Variants in SHC4 observed in about 807,000 individuals in gnomAD.
The protein encoded by SHC4 is SHC adaptor protein 4.
SHC4 carries 41 observed loss-of-function variants against 69.4 expected under a neutral mutation model. That is an observed-to-expected ratio of 0.59 (90% CI 0.46 to 0.77). SHC4 has a LOEUF of 0.77. Among genes scored for constraint, SHC4 ranks in the 30% least tolerant of loss-of-function variants. SHC4 has a pLI of 0.00. For missense variants in SHC4, 777 were observed against 783.8 expected (o/e 0.99, Z 0.10); for synonymous variants, 318 against 299.3 (o/e 1.06, Z -0.64).
Position 48,897,087 on chromosome 15 carries a change from G to C in SHC4, c.657-6276C>G, listed in dbSNP as rs140616389. On this transcript the variant is annotated intron_variant, in intron 2 of 11. Coordinates refer to ENST00000332408, the MANE Select transcript of SHC4 (RefSeq NM_203349.4). ...CAGAACCTTTTTGGAGCTGAGTGGC[G>C]GTGAGACTTTCTCCAGCTAGCAAAC... Among the ~76,000 whole-genome samples, 7 of 152,278 alleles carry C rather than the reference G, an allele frequency of 4.6e-5. No individual in the cohort carries two copies. The East Asian group carries it at 1.4e-3, about 29-fold the overall frequency.
intron 2 of SHC4, among the ~76,000 whole-genome samples, chr15:48,900,097 T>C (rs534911426): frequency 6.6e-6 from 1 of 152,358 alleles, no homozygotes; most frequent in South Asian, 2.1e-4. Flanking sequence ...ATACGTTTGA[T>C]GATATTCCGT....
At position 48,962,472 on chromosome 15, in the gene SHC4, G is replaced by A. The variant is rs570329592; in HGVS notation, c.544C>T (p.Leu182=). The change falls in exon 1 of 12, where the codon CTA becomes TTA. Residue 182 remains leucine (L), a synonymous_variant. Coordinates refer to ENST00000332408, the MANE Select transcript of SHC4 (RefSeq NM_203349.4). ...ATGCCCATCCCCAACAGGTGCTGTA[G>A]AAAGTGCCTGTCCTGCCTGCTCCTA... The part of the protein sequence containing the change: ...TLRSRQDRHF[L]QHLLGMGMNY... 1.3e-6 allele frequency: 2 copies of A among 1,532,712 alleles called. No homozygotes were observed. The highest frequency in any genetic ancestry group is 1.3e-5 in the South Asian group (1 of 76,758). The allele number at this position is 1,532,712 out of a possible 1,614,324, so 94.9% of individuals were successfully genotyped here.
rs1898665017 is a variant in SHC4, at chr15:48,825,235, T to C, written c.*736A>G. The C allele has an allele frequency of 6.6e-6, 1 of 152,090 alleles. No homozygotes were observed. The highest frequency in any genetic ancestry group is 6.6e-5 in the Admixed American group (1 of 15,266). 9.4% of individuals were successfully genotyped at this position (152,090 alleles called of 1,614,324 possible). A position where few individuals can be genotyped will look rare whatever the true frequency, so the allele number is the denominator to read the frequency against. On this transcript the variant is annotated 3_prime_UTR_variant, in exon 12 of 12. Transcript: ENST00000332408. ...ATGAAATCAGAAATGACTGATAGAT[T>C]TGGCTTCTTCAGCTTGTCACATGCT...
At chr15:48,959,456 C>T (rs1274426588) in intron 1 of SHC4, among the ~76,000 whole-genome samples, 2 of 152,282 alleles carry the variant, frequency 1.3e-5, no homozygotes, top group African/African-American at 2.4e-5. Context: ...ATTCATAATA[C>T]ATATTTGTTA....
intron 1 of SHC4, among the ~76,000 whole-genome samples, chr15:48,961,233 C>G (rs1338113187): frequency 6.6e-6 from 1 of 152,220 alleles, no homozygotes; most frequent in Non-Finnish European, 1.5e-5. Flanking sequence ...TTAAAAATTA[C>G]TTTCAGCAAG....
At chr15:48,888,296 A>G (rs960420270) in intron 3 of SHC4, among the ~76,000 whole-genome samples, 2 of 152,212 alleles carry the variant, frequency 1.3e-5, no homozygotes, top group Admixed American at 1.3e-4. Flanking sequence ...AAGGAAGTAA[A>G]TTCTGACATC....
chr15:48,959,591 C>A (rs1447892678), intron 1 of SHC4, among the ~76,000 whole-genome samples: 1 of 152,148 alleles, frequency 6.6e-6, no homozygotes, highest in Non-Finnish European at 1.5e-5. Context: ...AATCCACCAG[C>A]CCTGTGTCAA....
intron 11 of SHC4, among the ~76,000 whole-genome samples, chr15:48,828,944 T>A (rs1469853750): frequency 6.6e-6 from 1 of 152,206 alleles, no homozygotes; most frequent in African/African-American, 2.4e-5. Context: ...TGTTTGTAAA[T>A]AGTTTCTCTC....
chr15:48,838,525 G>A (rs1331081710), intron 10 of SHC4, among the ~76,000 whole-genome samples: 5 of 152,148 alleles, frequency 3.3e-5, no homozygotes, highest in Non-Finnish European at 5.9e-5. Context: ...TGAACATTTG[G>A]TAGAAAAAGA....
rs909173194 is a variant in SHC4, at chr15:48,874,913, C to T, written c.841-2771G>A. ...CGCCCATTATTTTATTTACCACTCC[C>T]ATCCATGTCTCTTTCCTGCACCATG... On this transcript the variant is annotated intron_variant, in intron 4 of 11. Transcript: ENST00000332408. Among the ~76,000 whole-genome samples, 4 of 152,148 alleles carry T rather than the reference C, an allele frequency of 2.6e-5. No homozygotes were observed. The East Asian group carries it at 7.7e-4, about 29-fold the overall frequency.
intron 6 of SHC4, among the ~76,000 whole-genome samples, chr15:48,862,262 G>A (rs1899461844): frequency 6.6e-6 from 1 of 151,378 alleles, no homozygotes; most frequent in Admixed American, 6.6e-5. Context: ...GGTAGTCCAA[G>A]CAGTCCAGTC....
chr15:48,907,564 C>T (rs1900428176), intron 2 of SHC4, among the ~76,000 whole-genome samples: 1 of 151,968 alleles, frequency 6.6e-6, no homozygotes, highest in African/African-American at 2.4e-5. Flanking sequence ...CATCCCCTCC[C>T]TCCCTTCCCC....
At chr15:48,838,582 T>C (rs1055815139) in intron 10 of SHC4, among the ~76,000 whole-genome samples, 1 of 152,200 alleles carries the variant, frequency 6.6e-6, no homozygotes. Context: ...GTTCAGATAG[T>C]ACCCAGAGAA....
In SHC4 at chr15:48,868,420, A is replaced by G. The variant is rs138435557; in HGVS notation, c.895-551T>C. Reference sequence around the variant, plus strand: ...TACAAGGAATTTATTTGATCAATATACAGAAAAGAAAAATCATTTTAAAAA... The same window carrying G: ...TACAAGGAATTTATTTGATCAATATGCAGAAAAGAAAAATCATTTTAAAAA... On this transcript the variant is annotated intron_variant, in intron 5 of 11. Coordinates refer to ENST00000332408, the MANE Select transcript of SHC4 (RefSeq NM_203349.4). 1.6e-4 allele frequency among the ~76,000 whole-genome samples: 24 copies of G among 152,350 alleles called. 1 individual carries two copies. Among genetic ancestry groups the G allele is most frequent in the African/African-American group, 5.3e-4 (22 of 41,588 alleles).
chr15:48,923,679 A>G (rs1259573680), intron 2 of SHC4, among the ~76,000 whole-genome samples: 4 of 114,812 alleles, frequency 3.5e-5, no homozygotes, highest in Admixed American at 1.2e-4. Context: ...TCTTGCTGTC[A>G]CCCACACAGG....
chr15:48,860,514 AAAT>A (rs1316268298), intron 6 of SHC4, among the ~76,000 whole-genome samples: 4 of 152,060 alleles, frequency 2.6e-5, no homozygotes, highest in African/African-American at 9.7e-5. Context: ...TCAAAAATAA[AAAT>A]AATAATAATA....
chr15:48,864,322 T>C (rs527702612), intron 6 of SHC4, among the ~76,000 whole-genome samples: 12 of 151,580 alleles, frequency 7.9e-5, no homozygotes, highest in Non-Finnish European at 1.8e-4. Context: ...TCTTCCTTCC[T>C]CCTCCAGTGC....
chr15:48,828,889 G>C (rs1438726145), intron 11 of SHC4, among the ~76,000 whole-genome samples: 3 of 152,042 alleles, frequency 2.0e-5, no homozygotes, highest in African/African-American at 7.2e-5. Flanking sequence ...TAGAGTTGTA[G>C]GCGTTCCTTA....
intron 2 of SHC4, among the ~76,000 whole-genome samples, chr15:48,908,338 G>A (rs774643913): frequency 2.0e-5 from 3 of 152,094 alleles, no homozygotes; most frequent in Non-Finnish European, 4.4e-5. Flanking sequence ...TTGGCCATTT[G>A]TATATCTTCT....
Sources: allele counts gnomAD v4.1 joint callset (sites outside exome capture counted in the v4.1 genomes callset), GRCh38; gene constraint gnomAD v4.1.1; transcripts MANE v1.5; gene names NCBI Gene and HGNC (gene_info 2026-07-23, HGNC 2026-07-21).